The following VWF variants were observed in gnomAD, a reference collection of about 807,000 sequenced individuals.
VWF encodes the protein Factor VIII related antigen.
A neutral mutation model predicts 308.6 loss-of-function variants in VWF; 176 were observed. The ratio of observed to expected loss-of-function variants is 0.57; its 90% CI spans 0.50 to 0.65. The LOEUF (loss-of-function observed/expected upper bound fraction) is 0.65, where lower values mean the gene tolerates loss of function less well. Ranked by LOEUF, VWF falls within the 30% of genes least tolerant of loss-of-function variation. VWF has a pLI of 0.00. For missense variants in VWF, 3,146 were observed against 3,648.2 expected, an observed-to-expected ratio of 0.86 and a Z score of 3.55; for synonymous variants, 1,385 against 1,443.4, an observed-to-expected ratio of 0.96 and a Z score of 0.92.
chr12:5,963,932 G>GTA (rs1184387375), intron 47 of VWF, among the ~76,000 whole-genome samples: 1 of 152,194 alleles, frequency 6.6e-6, no homozygotes, highest in Non-Finnish European at 1.5e-5. Context: ...AAGCAGCCAG[G>GTA]CGCAGTGGCT....
At chr12:6,042,623 C>G (rs183489856) in intron 18 of VWF, among the ~76,000 whole-genome samples, 11 of 152,174 alleles carry the variant, frequency 7.2e-5, no homozygotes, top group Non-Finnish European at 1.6e-4. Context: ...GGCTGAAGTG[C>G]GAGTCACCTC....
intron 13 of VWF, among the ~76,000 whole-genome samples, chr12:6,062,105 T>C (rs922843705): frequency 6.6e-6 from 1 of 152,216 alleles, no homozygotes; most frequent in African/African-American, 2.4e-5. Context: ...ATTTTCAATC[T>C]GATAAATACC....
rs1943159396 is a variant in VWF, at chr12:5,949,807, C to G, written c.8232G>C (p.Glu2744Asp). The change falls in exon 51 of 52, where the codon GAG (glutamate) becomes GAC (aspartate). Residue 2744 changes from glutamate to aspartate, a missense_variant. By Grantham distance (45) the Glu-to-Asp change is conservative. Around this residue, in one of 3 missense-constraint regions of VWF, gnomAD observed 989 missense variants for 1,117.4 expected, o/e 0.89. Coordinates refer to ENST00000261405, the MANE Select transcript of VWF (RefSeq NM_000552.5). The stretch of plus-strand genomic sequence containing the variant: ...TTACCTGGCAGTAGTGGATATCCAC[C>G]TCTACTTCAGACTTACAGCTTCCCA... ...VKVGSCKSEVEVDIHYCQGKC... is the reference protein window; with the variant it reads ...VKVGSCKSEVDVDIHYCQGKC... 1.2e-6 allele frequency: 2 copies of G among 1,613,888 alleles called. No homozygotes were observed. The highest frequency in any genetic ancestry group is 1.1e-5 in the South Asian group (1 of 91,076).
At chr12:6,103,306 A>G (rs973582038) in intron 5 of VWF, among the ~76,000 whole-genome samples, 4 of 151,672 alleles carry the variant, frequency 2.6e-5, no homozygotes, top group African/African-American at 7.3e-5. Context: ...CAGCCTGGGC[A>G]ACAGAGCGAG....
At chr12:5,989,186 C>T (rs545753079) in intron 38 of VWF, among the ~76,000 whole-genome samples, 2 of 152,322 alleles carry the variant, frequency 1.3e-5, no homozygotes, top group South Asian at 2.1e-4. Flanking sequence ...CCTGTGCAGG[C>T]TCTTGGTCCC....
intron 21 of VWF, 39 bp downstream of exon 21, chr12:6,031,405 C>CA (rs1267491700): frequency 1.9e-6 from 3 of 1,614,122 alleles, no homozygotes; most frequent in Non-Finnish European, 2.5e-6. Flanking sequence ...GGCAGAAGCA[C>CA]AAAGCGGGAC....
chr12:6,065,334 C>T lies in VWF; in HGVS notation c.1157-61G>A, dbSNP rs1944701801. On this transcript the variant is annotated intron_variant, in intron 10 of 51. Transcript: ENST00000261405. Reference sequence around the variant, plus strand: ...GTGAGGGCACTTCCCCTGGGGTGGCCAAGGTGGAATGCATATGCAAGCAGG... The same window carrying T: ...GTGAGGGCACTTCCCCTGGGGTGGCTAAGGTGGAATGCATATGCAAGCAGG... The T allele has an allele frequency of 3.7e-6, 6 of 1,606,432 alleles. No individual in the cohort carries two copies. The East Asian group carries it at 9.0e-5, about 24-fold the overall frequency.
At chr12:6,000,776 C>T (rs1439648367) in intron 34 of VWF, among the ~76,000 whole-genome samples, 1 of 137,138 alleles carries the variant, frequency 7.3e-6, no homozygotes, top group Non-Finnish European at 1.5e-5. Flanking sequence ...CGCGCCTCTG[C>T]ACTCCAGCCT....
At chr12:6,062,295 G>A (rs1944662747) in intron 13 of VWF, among the ~76,000 whole-genome samples, 1 of 152,084 alleles carries the variant, frequency 6.6e-6, no homozygotes, top group Non-Finnish European at 1.5e-5. Flanking sequence ...TCAGTCCTCT[G>A]ATCAGAGGAG....
chr12:6,092,676 G>A (rs1198445655), intron 6 of VWF, among the ~76,000 whole-genome samples: 4 of 119,290 alleles, frequency 3.4e-5, no homozygotes, highest in East Asian at 2.4e-4. Context: ...TGTGTGTGCT[G>A]ACCAGCATTC....
intron 37 of VWF, 63 bp downstream of exon 37, chr12:5,993,797 CAG>C (rs2136385142): frequency 6.7e-7 from 1 of 1,490,536 alleles, no homozygotes; most frequent in South Asian, 1.1e-5. Context: ...ATCTGGGGCA[CAG>C]AGAGGCTGAG....
intron 10 of VWF, among the ~76,000 whole-genome samples, chr12:6,067,682 C>A (rs573638355): frequency 6.6e-6 from 1 of 152,262 alleles, no homozygotes; most frequent in South Asian, 2.1e-4. Flanking sequence ...ACACGCTCAC[C>A]CATCCTCCAC....
chr12:6,036,892 G>A (rs1288366912), intron 18 of VWF, among the ~76,000 whole-genome samples: 1 of 152,072 alleles, frequency 6.6e-6, no homozygotes, highest in Non-Finnish European at 1.5e-5. Context: ...TTTCTCTGAG[G>A]GAAATAGAAT....
At position 6,019,374 on chromosome 12, in the gene VWF, C is replaced by T. The variant is rs753772379; in HGVS notation, c.4044G>A (p.Lys1348=). 5 of 1,613,846 alleles carry T rather than the reference C, an allele frequency of 3.1e-6. No homozygotes were observed. In the East Asian group the frequency reaches 8.9e-5, roughly 29 times the overall value. ...TGGAGGCCACCTGGCTGCCCGCATA[C>T]TTCACCTGGCTGGCAATGCGCCGCA... ...SELRRIASQV[K]YAGSQVASTS... Residue 1348 remains lysine (K), a synonymous_variant, in exon 28 of 52, where the codon AAG becomes AAA. Transcript: ENST00000261405. The surrounding 1 kb of genome is among the most constrained non-coding windows in gnomAD (Gnocchi z 5.8).
Position 6,058,434 on chromosome 12 carries a change from C to A in VWF, c.1534-390G>T, listed in dbSNP as rs1240958709. 1.3e-5 allele frequency among the ~76,000 whole-genome samples: 2 copies of A among 152,190 alleles called. No homozygotes were observed. Among genetic ancestry groups the A allele is most frequent in the Non-Finnish European group, 2.9e-5 (2 of 68,038 alleles). ...CGAAGCACTCTGCCCTCTGTGCCATCCACACCAGTGGGCCTGACCCCCCCA... is the reference window on the plus strand; with the variant it reads ...CGAAGCACTCTGCCCTCTGTGCCATACACACCAGTGGGCCTGACCCCCCCA... On this transcript the variant is annotated intron_variant, in intron 13 of 51. Coordinates refer to ENST00000261405, the MANE Select transcript of VWF (RefSeq NM_000552.5). The surrounding 1 kb of genome is among the most constrained non-coding windows in gnomAD (Gnocchi z 4.9).
chr12:6,057,768 C>T, intron 14 of VWF, 81 bp downstream of exon 14: 2 of 1,475,976 alleles, frequency 1.4e-6, no homozygotes, highest in East Asian at 2.3e-5. Context: ...GCGGTGGGAG[C>T]ACTGCCTCCG....
intron 18 of VWF, among the ~76,000 whole-genome samples, chr12:6,040,922 T>C (rs1211863673): frequency 6.6e-6 from 1 of 151,952 alleles, no homozygotes; most frequent in Non-Finnish European, 1.5e-5. Flanking sequence ...AGAGGCACCT[T>C]AGAGGAGGAG....
rs1555075298 is a variant in VWF at position 6,103,476 on chromosome 12, G to GTGTA, written c.532+6897_532+6898insTACA. 3.0e-4 allele frequency among the ~76,000 whole-genome samples: 37 copies of GTGTA among 122,298 alleles called. 2 individuals are homozygous for GTGTA. Among genetic ancestry groups the GTGTA allele is most frequent in the Non-Finnish European group, 4.9e-4 (29 of 59,736 alleles). 80.2% of individuals were successfully genotyped at this position (122,298 alleles called of 152,430 possible). A position where few individuals can be genotyped will look rare whatever the true frequency, so the allele number is the denominator to read the frequency against. On this transcript the variant is annotated intron_variant, in intron 5 of 51. Transcript: ENST00000261405. ...TATATGTGTATATACACATATGTGT[G>GTGTA]TATATACATATATGTGTATACACAC...
chr12:5,985,858 C>T (rs1384288907), intron 38 of VWF, among the ~76,000 whole-genome samples, 193 bp from the exon 39 acceptor site: 1 of 152,168 alleles, frequency 6.6e-6, no homozygotes, highest in Non-Finnish European at 1.5e-5. Flanking sequence ...AAGGTGGTTG[C>T]CACATTGCTT....
Sources: allele counts gnomAD v4.1 joint callset (sites outside exome capture counted in the v4.1 genomes callset), GRCh38; gene constraint gnomAD v4.1.1; regional missense constraint gnomAD v4.1.1; non-coding constraint Gnocchi (gnomAD v3.1); transcripts MANE v1.5; gene names NCBI Gene and HGNC (gene_info 2026-07-23, HGNC 2026-07-21).